IMMT: variants seen among roughly 807,000 people sequenced by gnomAD.
IMMT encodes the protein MICOS complex subunit MIC60.
IMMT carries 40 observed loss-of-function variants against 92.7 expected under a neutral mutation model. That is an observed-to-expected ratio of 0.43 (90% CI 0.34 to 0.56). IMMT has a LOEUF of 0.56. Among genes scored for constraint, IMMT ranks in the 20% least tolerant of loss-of-function variants. The pLI is 0.03. For missense variants in IMMT, 831 were observed against 912.1 expected, an observed-to-expected ratio of 0.91 and a Z score of 1.14; for synonymous variants, 322 against 336.1, an observed-to-expected ratio of 0.96 and a Z score of 0.46.
intron 1 of IMMT, among the ~76,000 whole-genome samples, chr2:86,194,194 C>A (rs1673370388): frequency 6.6e-6 from 1 of 152,186 alleles, no homozygotes; most frequent in Non-Finnish European, 1.5e-5. Flanking sequence ...TGGAAGAGGA[C>A]CCTGATCTCC....
chr2:86,154,821 C>T (rs1206683940), intron 10 of IMMT, among the ~76,000 whole-genome samples: 3 of 152,076 alleles, frequency 2.0e-5, no homozygotes, highest in African/African-American at 4.8e-5. Flanking sequence ...TGCAGCCAGT[C>T]GCAGCTACTG....
At chr2:86,170,587 G>C (rs1677011975) in intron 6 of IMMT, among the ~76,000 whole-genome samples, 162 bp downstream of exon 6, 1 of 152,154 alleles carries the variant, frequency 6.6e-6, no homozygotes, top group Non-Finnish European at 1.5e-5. Flanking sequence ...AAGAAGTTTA[G>C]ATGAAATGAA....
At chr2:86,183,831 C>T (rs961078383) in intron 1 of IMMT, among the ~76,000 whole-genome samples, 7 of 152,250 alleles carry the variant, frequency 4.6e-5, no homozygotes, top group East Asian at 3.9e-4. Context: ...TATATCAGTA[C>T]GTGAAAAGCT....
Position 86,153,554 on chromosome 2 carries a change from ACTCAC to A in IMMT, c.1177+1_1177+5del. On this transcript the variant is annotated splice_donor_variant and splice_donor_5th_base_variant and intron_variant, in intron 11 of 14. Coordinates refer to ENST00000410111, the MANE Select transcript of IMMT (RefSeq NM_006839.3). LOFTEE classifies it high-confidence loss of function. ...ACTTTAAACATGAAATATACATAAC[ACTCAC>A]CTAAGTCTGAAACACCTACAAAGGA... 6.8e-7 allele frequency: 1 copy of A among 1,469,760 alleles called. No homozygotes were observed. The highest frequency in any genetic ancestry group is 2.4e-5 in the East Asian group (1 of 40,852). The allele number at this position is 1,469,760 out of a possible 1,614,324, so 91.0% of individuals were successfully genotyped here.
At chr2:86,151,621 G>A (rs1180391169) in intron 11 of IMMT, 101 bp from the exon 12 acceptor site, 4 of 859,130 alleles carry the variant, frequency 4.7e-6, no homozygotes, top group East Asian at 2.6e-5. Flanking sequence ...AGCAGTAAAC[G>A]AAAGTAAAAC....
At chr2:86,148,564 A>G (rs1331699007) in intron 12 of IMMT, among the ~76,000 whole-genome samples, 1 of 152,220 alleles carries the variant, frequency 6.6e-6, no homozygotes, top group Non-Finnish European at 1.5e-5. Context: ...GTGAGCCAAG[A>G]TTGCGCTGCT....
chr2:86,183,340 G>A (rs1672551463), intron 1 of IMMT, among the ~76,000 whole-genome samples: 1 of 152,082 alleles, frequency 6.6e-6, no homozygotes, highest in Non-Finnish European at 1.5e-5. Context: ...ACCAGGTCTT[G>A]CTATGTTGAC....
intron 6 of IMMT, among the ~76,000 whole-genome samples, 187 bp downstream of exon 6, chr2:86,170,562 T>C (rs972639292): frequency 2.0e-5 from 3 of 152,200 alleles, no homozygotes; most frequent in African/African-American, 7.2e-5. Flanking sequence ...AGAATAGCCT[T>C]TGTCACTTAG....
At chr2:86,155,851 C>G (rs1384797419) in intron 10 of IMMT, among the ~76,000 whole-genome samples, 1 of 152,158 alleles carries the variant, frequency 6.6e-6, no homozygotes, top group Non-Finnish European at 1.5e-5. Context: ...ATTACTATCT[C>G]TAGAAATACA....
At chr2:86,168,414 G>A (rs111512046) in intron 6 of IMMT, among the ~76,000 whole-genome samples, 1,739 of 152,182 alleles carry the variant, frequency 0.011, 33 homozygotes, top group African/African-American at 0.039. Flanking sequence ...CCTGAGGTCA[G>A]GAGTTCGAGA....
At chr2:86,152,990 G>A (rs6731535) in intron 11 of IMMT, among the ~76,000 whole-genome samples, 69,852 of 151,934 alleles carry the variant, frequency 0.46, 16,601 homozygotes, top group Non-Finnish European at 0.51. Context: ...AAACTGTAAA[G>A]ACTCATTCTA....
intron 10 of IMMT, among the ~76,000 whole-genome samples, chr2:86,154,496 A>G (rs189787835): frequency 7.7e-4 from 118 of 152,294 alleles, no homozygotes; most frequent in Non-Finnish European, 1.4e-3. Context: ...CATAGAAACT[A>G]TAATTTTCTT....
In IMMT at chr2:86,153,550, T is replaced by C. The variant is rs376206618; in HGVS notation, c.1177+10A>G. On this transcript the variant is annotated intron_variant, in intron 11 of 14. Transcript: ENST00000410111. ...AAAGACTTTAAACATGAAATATACA[T>C]AACACTCACCTAAGTCTGAAACACC... 4 of 1,457,030 alleles carry C rather than the reference T, an allele frequency of 2.7e-6. No individual in the cohort carries two copies. The African/African-American group carries it at 5.8e-5, about 21-fold the overall frequency. 90.3% of individuals were successfully genotyped at this position (1,457,030 alleles called of 1,614,324 possible). A position where few individuals can be genotyped will look rare whatever the true frequency, so the allele number is the denominator to read the frequency against.
intron 10 of IMMT, among the ~76,000 whole-genome samples, chr2:86,154,659 T>C (rs551621428): frequency 6.6e-6 from 1 of 152,218 alleles, no homozygotes; most frequent in Non-Finnish European, 1.5e-5. Context: ...CAAACTAAAT[T>C]TTCATTTAAC....
At chr2:86,175,180 A>T (rs1335849766) in intron 3 of IMMT, among the ~76,000 whole-genome samples, 1 of 152,154 alleles carries the variant, frequency 6.6e-6, no homozygotes, top group African/African-American at 2.4e-5. Context: ...TCTATCTAGA[A>T]AAGCACCCCT....
intron 11 of IMMT, among the ~76,000 whole-genome samples, chr2:86,153,296 A>G (rs913268909): frequency 6.4e-5 from 7 of 110,042 alleles, no homozygotes; most frequent in African/African-American, 2.8e-4. Flanking sequence ...ATCAGTTACA[A>G]TCCATATTAC....
chr2:86,146,118 T>C lies in IMMT; in HGVS notation c.1613A>G (p.Asp538Gly), dbSNP rs1674987757. The C allele has an allele frequency of 3.1e-6, 5 of 1,609,550 alleles. No individual in the cohort carries two copies. Among genetic ancestry groups the C allele is most frequent in the Non-Finnish European group, 4.2e-6 (5 of 1,176,832 alleles). Reference protein sequence around the residue: ...SQEQVDNFTLDINTAYARLRG... With the variant: ...SQEQVDNFTLGINTAYARLRG... ...GAGTCTGGCATAGGCAGTATTTATA[T>C]CCAGAGTAAAGTTGTCAACTTGCTC... Residue 538 changes from aspartate (D) to glycine (G), a missense_variant, in exon 14 of 15, where the codon GAT (aspartate) becomes GGT (glycine). Transcript: ENST00000410111.
chr2:86,153,923 T>C (rs1234741414), intron 10 of IMMT, among the ~76,000 whole-genome samples: 1 of 152,014 alleles, frequency 6.6e-6, no homozygotes, highest in Non-Finnish European at 1.5e-5. Flanking sequence ...AGTGCAGTGG[T>C]ACAATCTCAG....
At chr2:86,185,841 A>G (rs1425824630) in intron 1 of IMMT, among the ~76,000 whole-genome samples, 1 of 152,252 alleles carries the variant, frequency 6.6e-6, no homozygotes, top group Non-Finnish European at 1.5e-5. Context: ...TGGAAACGGA[A>G]GAATAATTCA....
Sources: gnomAD v4.1 joint callset for allele counts (sites outside exome capture counted in the v4.1 genomes callset) on GRCh38, gnomAD v4.1.1 for gene constraint, MANE v1.5 for transcripts, NCBI Gene and HGNC (gene_info 2026-07-23, HGNC 2026-07-21) for gene names.